DOCK7: variants seen among roughly 807,000 people sequenced by gnomAD.
The protein encoded by DOCK7 is dedicator of cytokinesis 7.
In DOCK7, 138 loss-of-function variants were observed where a neutral mutation model predicts 271.0. The ratio of observed to expected loss-of-function variants is 0.51; its 90% CI spans 0.44 to 0.59. The LOEUF (loss-of-function observed/expected upper bound fraction) is 0.59. Ranked by LOEUF, DOCK7 falls within the 20% of genes least tolerant of loss-of-function variation. The pLI is 0.00. For missense variants in DOCK7, 2,066 were observed against 2,592.4 expected, an observed-to-expected ratio of 0.80 and a Z score of 4.41; for synonymous variants, 823 against 876.1, an observed-to-expected ratio of 0.94 and a Z score of 1.07.
intron 7 of DOCK7, among the ~76,000 whole-genome samples, chr1:62,644,496 A>G (rs552689437): frequency 9.2e-5 from 14 of 152,364 alleles, no homozygotes; most frequent in African/African-American, 3.4e-4. Flanking sequence ...GATGAGCAAC[A>G]GCCCTAATGT....
At chr1:62,546,228 G>A (rs1331560335) in intron 22 of DOCK7, among the ~76,000 whole-genome samples, 1 of 152,004 alleles carries the variant, frequency 6.6e-6, no homozygotes, top group African/African-American at 2.4e-5. Flanking sequence ...AATTAAATCA[G>A]AATTGCTGTG....
intron 22 of DOCK7, among the ~76,000 whole-genome samples, chr1:62,552,529 A>G (rs1041413453): frequency 6.6e-6 from 1 of 152,220 alleles, no homozygotes. Context: ...AAATTTTAGA[A>G]TTTTTAGTGG....
chr1:62,473,740 A>G (rs1645896073), intron 48 of DOCK7, among the ~76,000 whole-genome samples: 1 of 151,870 alleles, frequency 6.6e-6, no homozygotes, highest in African/African-American at 2.4e-5. Context: ...CACAACCTAC[A>G]CTTGGCTAAT....
intron 18 of DOCK7, among the ~76,000 whole-genome samples, chr1:62,570,020 C>A (rs550311558): frequency 6.6e-6 from 1 of 152,204 alleles, no homozygotes; most frequent in African/African-American, 2.4e-5. Context: ...AGCCACCACT[C>A]CTATTCAACA....
rs142525785 is a variant in DOCK7, at chr1:62,558,903, T to C, written c.2431+86A>G. On this transcript the variant is annotated intron_variant, in intron 20 of 49. Transcript: ENST00000635253. ...AAATATAGTCCTTATATATAGCAAA[T>C]AGAAATCATGTTTTTTTTTTTTAAC... 79 of 1,144,846 alleles carry C rather than the reference T, an allele frequency of 6.9e-5. No individual in the cohort carries two copies. In the African/African-American group the frequency reaches 8.5e-4, roughly 12 times the overall value. 70.9% of individuals were successfully genotyped at this position (1,144,846 alleles called of 1,614,324 possible). A position where few individuals can be genotyped will look rare whatever the true frequency, so the allele number is the denominator to read the frequency against.
intron 8 of DOCK7, chr1:62,635,389 T>G (rs1173995288): frequency 6.6e-6 from 1 of 152,308 alleles, no homozygotes; most frequent in African/African-American, 2.4e-5. Context: ...TACAAAAAAT[T>G]AGCCGGGCAT....
chr1:62,626,028 A>ATCATATAAAAATGTTC, intron 11 of DOCK7, among the ~76,000 whole-genome samples: 1 of 152,338 alleles, frequency 6.6e-6, no homozygotes, highest in Non-Finnish European at 1.5e-5. Flanking sequence ...AGAGATTAAA[A>ATCATATAAAAATGTTC]TCATATAAAA....
At position 62,455,333 on chromosome 1, in the gene DOCK7, ATGT is replaced by A. The variant is rs565541256; in HGVS notation, c.*78_*80del. 3,932 of 1,438,352 alleles carry A rather than the reference ATGT, an allele frequency of 2.7e-3. 9 individuals carry two copies. The highest frequency in any genetic ancestry group is 3.2e-3 in the Non-Finnish European group (3,262 of 1,024,998). 89.1% of individuals were successfully genotyped at this position (1,438,352 alleles called of 1,614,324 possible). ...ATAATAATTTCCAGAATTCCATTCC[ATGT>A]TGTTTTCCAATAGATCTTTTCACAC... On this transcript the variant is annotated 3_prime_UTR_variant, in exon 50 of 50. Coordinates refer to ENST00000635253, the MANE Select transcript of DOCK7 (RefSeq NM_001367561.1).
intron 22 of DOCK7, among the ~76,000 whole-genome samples, chr1:62,551,304 G>C (rs1290573117): frequency 6.6e-6 from 1 of 151,682 alleles, no homozygotes; most frequent in Non-Finnish European, 1.5e-5. Flanking sequence ...GAATTGTCTT[G>C]GGCCACACAT....
chr1:62,526,495 GA>G (rs939764065), intron 31 of DOCK7, among the ~76,000 whole-genome samples: 83 of 140,390 alleles, frequency 5.9e-4, no homozygotes, highest in South Asian at 1.3e-3. Flanking sequence ...AGCCACATTA[GA>G]AAAAAAAAAA....
intron 14 of DOCK7, among the ~76,000 whole-genome samples, chr1:62,595,819 C>A (rs976813178): frequency 6.6e-6 from 1 of 152,058 alleles, no homozygotes; most frequent in African/African-American, 2.4e-5. Flanking sequence ...GTCTCAGCTA[C>A]TTGGGAGACA....
At chr1:62,582,098 G>C (rs1480916889) in intron 16 of DOCK7, among the ~76,000 whole-genome samples, 2 of 152,274 alleles carry the variant, frequency 1.3e-5, no homozygotes, top group South Asian at 4.1e-4. Flanking sequence ...AATCAGTATA[G>C]AGAATTTGAG....
At chr1:62,506,433 AT>A (rs1411693125) in intron 35 of DOCK7, among the ~76,000 whole-genome samples, 1 of 151,576 alleles carries the variant, frequency 6.6e-6, no homozygotes, top group African/African-American at 2.4e-5. Flanking sequence ...AATTTTTTCT[AT>A]TTTTAAAACT....
At chr1:62,503,898 T>C (rs1646862040) in intron 37 of DOCK7, among the ~76,000 whole-genome samples, 1 of 151,872 alleles carries the variant, frequency 6.6e-6, no homozygotes, top group Admixed American at 6.6e-5. Context: ...GTACAAAAAA[T>C]TAGCTGGGCG....
Position 62,476,087 on chromosome 1 carries a change from A to C in DOCK7, c.5704T>G (p.Cys1902Gly), listed in dbSNP as rs888814517. The stretch of plus-strand genomic sequence containing the variant: ...TATACCTTGTTAGGATCTAATTTAC[A>C]CTTGTCTACAGGATTAGAGTCTTTG... ...VIKDSNPVDK[C>G]KLDPNKAYIQ... Residue 1902 changes from cysteine (C) to glycine (G), a missense_variant, in exon 45 of 50, where the codon TGT (cysteine) becomes GGT (glycine). This residue lies in a region of DOCK7 where 652 missense variants were observed against 922.1 expected (regional missense o/e 0.71). Transcript: ENST00000635253. The C allele has an allele frequency of 1.9e-6, 3 of 1,612,962 alleles. No individual in the cohort carries two copies. Among genetic ancestry groups the C allele is most frequent in the Non-Finnish European group, 1.7e-6 (2 of 1,179,470 alleles).
rs1275693525 is a variant in DOCK7, at chr1:62,539,609, T to C, written c.3236A>G (p.Asn1079Ser). ...RLNTSLAFFL[N>S]DLLSVMDRGF... ...TCTGTCCATAACAGACAACAGATCA[T>C]TGAGAAAGAATGCAAGGCTTGTATT... Residue 1079 changes from asparagine (N) to serine (S), a missense_variant, in exon 27 of 50, where the codon AAT becomes AGT. Physicochemically the swap from Asn to Ser is conservative, Grantham distance 46 (BLOSUM62 1). Around this residue, in one of 2 missense-constraint regions of DOCK7, gnomAD observed 1,414 missense variants for 1,670.4 expected, o/e 0.85. Coordinates refer to ENST00000635253, the MANE Select transcript of DOCK7 (RefSeq NM_001367561.1). The C allele has an allele frequency of 1.9e-6, 3 of 1,613,944 alleles. No individual in the cohort carries two copies. The highest frequency in any genetic ancestry group is 2.5e-6 in the Non-Finnish European group (3 of 1,179,934).
At chr1:62,475,079 T>C (rs1571219532) in intron 47 of DOCK7, 129 bp downstream of exon 47, 3 of 1,032,874 alleles carry the variant, frequency 2.9e-6, no homozygotes, top group Non-Finnish European at 2.7e-6. Flanking sequence ...TAAGATCGCA[T>C]AGGTAGAAAA....
At position 62,604,760 on chromosome 1, in the gene DOCK7, C is replaced by T. The variant is rs940005040; in HGVS notation, c.1682+13946G>A. 2 of 1,612,900 alleles carry T rather than the reference C, an allele frequency of 1.2e-6. No individual in the cohort carries two copies. The highest frequency in any genetic ancestry group is 1.7e-6 in the Non-Finnish European group (2 of 1,179,272). On this transcript the variant is annotated intron_variant, in intron 14 of 49. Coordinates refer to ENST00000635253, the MANE Select transcript of DOCK7 (RefSeq NM_001367561.1). ...GGAAGTCTCAAAATGGAAGGTTATACTCTATAAAATCAACCAAAATGTTGA... is the reference window on the plus strand; with the variant it reads ...GGAAGTCTCAAAATGGAAGGTTATATTCTATAAAATCAACCAAAATGTTGA...
At chr1:62,480,961 A>G in intron 43 of DOCK7, among the ~76,000 whole-genome samples, 1 of 140,694 alleles carries the variant, frequency 7.1e-6, no homozygotes. Context: ...GTGAGCCGAG[A>G]TCGCGTCACT....
Sources: gnomAD v4.1 joint callset for allele counts (sites outside exome capture counted in the v4.1 genomes callset) on GRCh38, gnomAD v4.1.1 for gene constraint, gnomAD v4.1.1 regional missense constraint, MANE v1.5 for transcripts, NCBI Gene and HGNC (gene_info 2026-07-23, HGNC 2026-07-21) for gene names.